Variants in ASXL3 observed in about 807,000 individuals in gnomAD.
The protein encoded by ASXL3 is ASXL transcriptional regulator 3, also known as putative Polycomb group protein ASXL3.
In ASXL3, 34 loss-of-function variants were observed where a neutral mutation model predicts 170.6. The observed-to-expected ratio is 0.20, with a 90% CI of 0.15 to 0.27. ASXL3 has a LOEUF of 0.27. ASXL3 is among the 10% of genes least tolerant of loss of function. The pLI is 1.00. For missense variants in ASXL3, 2,592 were observed against 2,695.3 expected (o/e 0.96, Z 0.85); for synonymous variants, 1,002 against 989.1 (o/e 1.01, Z -0.24).
In ASXL3 at chr18:33,670,805, TATC is replaced by T; in HGVS notation, c.595+18_595+20del. On this transcript the variant is annotated intron_variant, in intron 6 of 11. Transcript: ENST00000269197. ...TTCGCCTTCAGGTAAAGAGCTGAAA[TATC>T]ATATGCTTGGCCAGTTTCTTCCTGG... 9 of 1,482,824 alleles carry T rather than the reference TATC, an allele frequency of 6.1e-6. No individual in the cohort carries two copies. The African/African-American group carries it at 8.5e-5, about 14-fold the overall frequency. 91.9% of individuals were successfully genotyped at this position (1,482,824 alleles called of 1,614,324 possible). A position where few individuals can be genotyped will look rare whatever the true frequency, so the allele number is the denominator to read the frequency against.
intron 8 of ASXL3, among the ~76,000 whole-genome samples, chr18:33,684,211 T>G (rs965712630): frequency 6.6e-6 from 1 of 152,176 alleles, no homozygotes; most frequent in Non-Finnish European, 1.5e-5. Flanking sequence ...TCACATAAAC[T>G]TTTATTAAAT....
chr18:33,591,591 G>A (rs9945530), intron 1 of ASXL3, among the ~76,000 whole-genome samples: 27,403 of 151,540 alleles, frequency 0.18, 4,596 homozygotes, highest in African/African-American at 0.45. Context: ...AAAAATGAAT[G>A]CATAAATCTA....
intron 2 of ASXL3, among the ~76,000 whole-genome samples, chr18:33,608,239 A>G (rs890962702): frequency 2.0e-5 from 3 of 151,958 alleles, no homozygotes; most frequent in Non-Finnish European, 4.4e-5. Context: ...GAACATTTTC[A>G]TCACCCTAAA....
At chr18:33,692,692 T>G (rs1289431827) in intron 8 of ASXL3, among the ~76,000 whole-genome samples, 1 of 152,322 alleles carries the variant, frequency 6.6e-6, no homozygotes, top group East Asian at 1.9e-4. Flanking sequence ...TTGTTTCTCC[T>G]CCTCATTTTG....
chr18:33,738,666 C>T lies in ASXL3; in HGVS notation c.1262C>T (p.Thr421Ile). ...TCTCCAGAGCCTGGTTTCTGTGCTA[C>T]TCTTTGCCCTATGGTAGAAATTCCA... Reference protein sequence around the residue: ...PASPEPGFCATLCPMVEIPPK... With the variant: ...PASPEPGFCAILCPMVEIPPK... Residue 421 changes from threonine to isoleucine, a missense_variant, in exon 11 of 12, where the codon ACT becomes ATT. By Grantham distance (89) the Thr-to-Ile change is moderately conservative (BLOSUM62 -1). Coordinates refer to ENST00000269197, the MANE Select transcript of ASXL3 (RefSeq NM_030632.3). 6.2e-7 allele frequency: 1 copy of T among 1,613,980 alleles called. No individual in the cohort carries two copies. The highest frequency in any genetic ancestry group is 8.5e-7 in the Non-Finnish European group (1 of 1,179,878).
chr18:33,675,752 G>A (rs959885767), intron 7 of ASXL3, among the ~76,000 whole-genome samples: 1 of 151,990 alleles, frequency 6.6e-6, no homozygotes, highest in Admixed American at 6.6e-5. Context: ...AGAGACAATG[G>A]ACCCCAGTAT....
At chr18:33,740,827 A>C (rs1226693428) in intron 11 of ASXL3, among the ~76,000 whole-genome samples, 1 of 152,104 alleles carries the variant, frequency 6.6e-6, no homozygotes, top group Non-Finnish European at 1.5e-5. Flanking sequence ...CCATAAACCC[A>C]GTGTAATTTT....
At chr18:33,657,588 T>C (rs1434092416) in intron 4 of ASXL3, among the ~76,000 whole-genome samples, 1 of 152,066 alleles carries the variant, frequency 6.6e-6, no homozygotes, top group Non-Finnish European at 1.5e-5. Flanking sequence ...AGTTGAATGG[T>C]AAATTAAAAG....
chr18:33,592,334 A>G (rs1199961441), intron 1 of ASXL3, among the ~76,000 whole-genome samples: 2 of 152,240 alleles, frequency 1.3e-5, no homozygotes, highest in African/African-American at 2.4e-5. Context: ...TCTTTAATAC[A>G]TGAGCAAGTA....
At chr18:33,630,378 A>G (rs1010408931) in intron 2 of ASXL3, among the ~76,000 whole-genome samples, 9 of 149,446 alleles carry the variant, frequency 6.0e-5, no homozygotes, top group Admixed American at 6.7e-5. Flanking sequence ...TACTACAGAA[A>G]CCTATGGCTT....
intron 2 of ASXL3, among the ~76,000 whole-genome samples, chr18:33,607,975 C>G (rs1469883640): frequency 6.6e-6 from 1 of 151,868 alleles, no homozygotes; most frequent in Non-Finnish European, 1.5e-5. Flanking sequence ...GATTGTGTTT[C>G]TGAAACCAAA....
At chr18:33,724,926 T>G (rs2067323294) in intron 8 of ASXL3, among the ~76,000 whole-genome samples, 1 of 152,194 alleles carries the variant, frequency 6.6e-6, no homozygotes, top group Non-Finnish European at 1.5e-5. Context: ...TTCTTTCATT[T>G]TTATGCCTAT....
At chr18:33,735,715 C>T (rs2067534070) in intron 10 of ASXL3, among the ~76,000 whole-genome samples, 1 of 152,190 alleles carries the variant, frequency 6.6e-6, no homozygotes, top group Non-Finnish European at 1.5e-5. Context: ...GGGGAGCTCT[C>T]TTTTTAGTAA....
chr18:33,580,499 T>C (rs2064982734), intron 1 of ASXL3, among the ~76,000 whole-genome samples: 1 of 152,158 alleles, frequency 6.6e-6, no homozygotes, highest in Non-Finnish European at 1.5e-5. Flanking sequence ...TATTTAAAAA[T>C]AATAAGTCAT....
At chr18:33,645,046 AT>A in intron 3 of ASXL3, 44 bp downstream of exon 3, 5 of 1,336,774 alleles carry the variant, frequency 3.7e-6, no homozygotes, top group South Asian at 2.7e-5. Flanking sequence ...ATTATCATGC[AT>A]TTTTTCAGAC....
Position 33,738,992 on chromosome 18 carries a change from A to G in ASXL3, c.1588A>G (p.Met530Val). Residue 530 changes from methionine to valine, a missense_variant, in exon 11 of 12, where the codon ATG becomes GTG. Transcript: ENST00000269197. Reference protein sequence around the residue: ...EGKSESPQEEMTVVIDQLEVC... With the variant: ...EGKSESPQEEVTVVIDQLEVC... ...GAAGTCAGAATCACCCCAGGAAGAA[A>G]TGACAGTTGTTATCGATCAGTTAGA... 1 of 1,613,798 alleles carries G rather than the reference A, an allele frequency of 6.2e-7. No individual in the cohort carries two copies. The highest frequency in any genetic ancestry group is 8.5e-7 in the Non-Finnish European group (1 of 1,179,826).
intron 7 of ASXL3, 143 bp downstream of exon 7, chr18:33,672,009 GC>G (rs2066351408): frequency 2.3e-6 from 2 of 879,248 alleles, no homozygotes; most frequent in East Asian, 2.8e-5. Context: ...CAAAAAGAAT[GC>G]TAAATAAGGA....
chr18:33,702,388 G>T (rs950529468), intron 8 of ASXL3, among the ~76,000 whole-genome samples: 34 of 151,354 alleles, frequency 2.2e-4, no homozygotes, highest in Middle Eastern at 3.2e-3. Context: ...TTTTATTGTT[G>T]TCTTTTTAGT....
At chr18:33,711,518 G>T (rs1361203813) in intron 8 of ASXL3, among the ~76,000 whole-genome samples, 2 of 152,112 alleles carry the variant, frequency 1.3e-5, no homozygotes, top group African/African-American at 4.8e-5. Flanking sequence ...TTGTTAACTT[G>T]TCAGTGTATG....
Sources: allele counts gnomAD v4.1 joint callset (sites outside exome capture counted in the v4.1 genomes callset), GRCh38; gene constraint gnomAD v4.1.1; transcripts MANE v1.5; gene names NCBI Gene and HGNC (gene_info 2026-07-23, HGNC 2026-07-21).